Variants in HACE1 observed in about 807,000 individuals in gnomAD.
The protein encoded by HACE1 is E3 ubiquitin-protein ligase HACE1.
HACE1 carries 73 observed loss-of-function variants against 118.4 expected under a neutral mutation model. That is an observed-to-expected ratio of 0.62 (90% CI 0.51 to 0.75). HACE1 has a LOEUF of 0.75. Among genes scored for constraint, HACE1 ranks in the 30% least tolerant of loss-of-function variants. HACE1 has a pLI of 0.00. For missense variants in HACE1, 749 were observed against 1,102.2 expected, an observed-to-expected ratio of 0.68 and a Z score of 4.54; for synonymous variants, 368 against 374.8, an observed-to-expected ratio of 0.98 and a Z score of 0.21.
At position 104,837,356 on chromosome 6, in the gene HACE1, T is replaced by G. The variant is rs149471846; in HGVS notation, c.403-4183A>C. On this transcript the variant is annotated intron_variant, in intron 5 of 23. Transcript: ENST00000262903. The stretch of plus-strand genomic sequence containing the variant: ...GTCCACACAAATATGCCCAACTGAT[T>G]TTTGAAACAGATGCAAAAGCAAATT... 2.9e-4 allele frequency among the ~76,000 whole-genome samples: 44 copies of G among 152,318 alleles called. No individual in the cohort carries two copies. In the East Asian group the frequency reaches 7.7e-3, roughly 27 times the overall value.
rs542959278 is a variant in HACE1, at chr6:104,754,716, C to T, written c.2212-4244G>A. 5.3e-5 allele frequency among the ~76,000 whole-genome samples: 8 copies of T among 152,314 alleles called. No homozygotes were observed. In the South Asian group the frequency reaches 1.2e-3, roughly 24 times the overall value. ...TTATAAGCAAAGGAGAAATAAGATC[C>T]TTTTCAGAAAAGCAAATGCTGAGGG... On this transcript the variant is annotated intron_variant, in intron 19 of 23. Coordinates refer to ENST00000262903, the MANE Select transcript of HACE1 (RefSeq NM_020771.4).
At chr6:104,823,195 C>G (rs776719547) in intron 6 of HACE1, among the ~76,000 whole-genome samples, 2 of 152,116 alleles carry the variant, frequency 1.3e-5, no homozygotes, top group Non-Finnish European at 2.9e-5. Flanking sequence ...TCCCAGCACT[C>G]TGGGAGGCCA....
chr6:104,783,157 A>G (rs1258249901), intron 14 of HACE1, among the ~76,000 whole-genome samples: 3 of 152,192 alleles, frequency 2.0e-5, no homozygotes, highest in Non-Finnish European at 1.5e-5. Flanking sequence ...TGGTGGCTAG[A>G]AAGTTCTCCC....
At chr6:104,784,815 C>T (rs1020853381) in intron 12 of HACE1, among the ~76,000 whole-genome samples, 170 bp downstream of exon 12, 2 of 152,118 alleles carry the variant, frequency 1.3e-5, no homozygotes, top group Admixed American at 6.5e-5. Context: ...ATATATACTG[C>T]TTAATATTTA....
At chr6:104,748,740 T>C (rs1450785806) in intron 20 of HACE1, among the ~76,000 whole-genome samples, 1 of 152,166 alleles carries the variant, frequency 6.6e-6, no homozygotes, top group African/African-American at 2.4e-5. Context: ...ATGAACAAAT[T>C]ACCAACTGCA....
intron 19 of HACE1, among the ~76,000 whole-genome samples, chr6:104,754,704 A>G (rs1778416387): frequency 6.6e-6 from 1 of 152,230 alleles, no homozygotes. Context: ...TAAGCAAAGG[A>G]GAAATAAGAT....
intron 17 of HACE1, among the ~76,000 whole-genome samples, chr6:104,774,235 G>A (rs1461887239): frequency 2.4e-5 from 3 of 123,354 alleles, no homozygotes; most frequent in South Asian, 2.6e-4. Context: ...GACTACAGGC[G>A]CCCGCCACTA....
At chr6:104,827,303 CA>C (rs1420265165) in intron 6 of HACE1, among the ~76,000 whole-genome samples, 3 of 151,904 alleles carry the variant, frequency 2.0e-5, no homozygotes, top group East Asian at 3.8e-4. Flanking sequence ...GACCAAACAA[CA>C]AAAAAAGTGT....
Position 104,771,998 on chromosome 6 carries a change from G to C in HACE1, c.1941C>G (p.Ile647Met). The C allele has an allele frequency of 6.2e-7, 1 of 1,609,120 alleles. No individual in the cohort carries two copies. Among genetic ancestry groups the C allele is most frequent in the Non-Finnish European group, 8.5e-7 (1 of 1,175,566 alleles). Reference protein sequence around the residue: ...HLNYFRFAGQILGLALNHRQL... With the variant: ...HLNYFRFAGQMLGLALNHRQL... ...GCCTGTGGTTCAACGCTAATCCCAA[G>C]ATCTGCCCAGCAAACCGAAAATAGT... Residue 647 changes from isoleucine (I) to methionine (M), a missense_variant, in exon 18 of 24, where the codon ATC becomes ATG. This residue lies in a region of HACE1 where 195 missense variants were observed against 322.1 expected (regional missense o/e 0.61). Coordinates refer to ENST00000262903, the MANE Select transcript of HACE1 (RefSeq NM_020771.4).
intron 5 of HACE1, among the ~76,000 whole-genome samples, chr6:104,834,947 CT>C (rs1377802899): frequency 6.6e-6 from 1 of 152,206 alleles, no homozygotes; most frequent in Non-Finnish European, 1.5e-5. Context: ...AAAACAGTCT[CT>C]AGATAAGAGA....
chr6:104,736,872 T>C (rs1409247467), intron 22 of HACE1, among the ~76,000 whole-genome samples: 2 of 152,212 alleles, frequency 1.3e-5, no homozygotes, highest in Non-Finnish European at 2.9e-5. Context: ...GTTAATTGTA[T>C]GTATCTCTGA....
intron 6 of HACE1, among the ~76,000 whole-genome samples, chr6:104,816,094 CAG>C (rs561031670): frequency 1.4e-4 from 21 of 150,844 alleles, no homozygotes; most frequent in Admixed American, 1.1e-3. Flanking sequence ...AAAGAGGAAA[CAG>C]AACACAAAGT....
intron 19 of HACE1, among the ~76,000 whole-genome samples, chr6:104,769,683 A>G (rs1780407375): frequency 6.6e-6 from 1 of 152,224 alleles, no homozygotes; most frequent in Non-Finnish European, 1.5e-5. Context: ...TATGAAGAAC[A>G]TTAGACTTGA....
chr6:104,744,993 C>G (rs561287703), intron 20 of HACE1, among the ~76,000 whole-genome samples: 1 of 152,174 alleles, frequency 6.6e-6, no homozygotes, highest in South Asian at 2.1e-4. Context: ...AGACAGTATT[C>G]TCAACATGAA....
intron 7 of HACE1, among the ~76,000 whole-genome samples, chr6:104,798,413 T>C (rs926669877): frequency 2.0e-5 from 3 of 152,220 alleles, no homozygotes; most frequent in Admixed American, 1.3e-4. Context: ...AAAAACTTAA[T>C]AGTATCCTAC....
chr6:104,840,209 G>C (rs898263853), intron 5 of HACE1, among the ~76,000 whole-genome samples: 2 of 152,074 alleles, frequency 1.3e-5, no homozygotes, highest in Non-Finnish European at 2.9e-5. Context: ...TCTAAAAAAA[G>C]ACAATCATTA....
At position 104,832,474 on chromosome 6, in the gene HACE1, A is replaced by C. The variant is rs144150431; in HGVS notation, c.534+568T>G. Among the ~76,000 whole-genome samples, 908 of 152,154 alleles carry C rather than the reference A, an allele frequency of 6.0e-3. 9 individuals are homozygous for C. The highest frequency in any genetic ancestry group is 0.021 in the African/African-American group (856 of 41,502). ...AGTGGCACAATCTCAGCTCACTGCAACCGCTGACTGCTGAGCTCAAGCAAT... is the reference window on the plus strand; with the variant it reads ...AGTGGCACAATCTCAGCTCACTGCACCCGCTGACTGCTGAGCTCAAGCAAT... On this transcript the variant is annotated intron_variant, in intron 6 of 23. Coordinates refer to ENST00000262903, the MANE Select transcript of HACE1 (RefSeq NM_020771.4).
At chr6:104,825,379 A>G (rs186478065) in intron 6 of HACE1, among the ~76,000 whole-genome samples, 1 of 152,004 alleles carries the variant, frequency 6.6e-6, no homozygotes, top group African/African-American at 2.4e-5. Context: ...TTTGCATAGG[A>G]GTCTAACTCT....
At chr6:104,756,468 A>T (rs1387873752) in intron 19 of HACE1, among the ~76,000 whole-genome samples, 1 of 150,506 alleles carries the variant, frequency 6.6e-6, no homozygotes, top group East Asian at 1.9e-4. Flanking sequence ...CACACTTATT[A>T]TTAAAGTCAC....
Sources: gnomAD v4.1 joint callset for allele counts (sites outside exome capture counted in the v4.1 genomes callset) on GRCh38, gnomAD v4.1.1 for gene constraint, gnomAD v4.1.1 regional missense constraint, MANE v1.5 for transcripts, NCBI Gene and HGNC (gene_info 2026-07-23, HGNC 2026-07-21) for gene names.